ZNF721: variants seen among roughly 807,000 people sequenced by gnomAD.
ZNF721 encodes the protein zinc finger protein 721.
In ZNF721, 2 loss-of-function variants were observed where a neutral mutation model predicts 2.4. The ratio of observed to expected loss-of-function variants is 0.82; its 90% confidence interval spans 0.34 to 2.58. The LOEUF is 2.58. Among genes scored for constraint, ZNF721 ranks in the 30% most tolerant of loss-of-function variants. ZNF721 has a pLI of 0.11. For synonymous variants in ZNF721, 398 were observed against 381.8 expected, an observed-to-expected ratio of 1.04 and a Z score of -0.50; for missense variants, 1,187 against 1,085.5, an observed-to-expected ratio of 1.09 and a Z score of -1.31.
intron 1 of ZNF721, among the ~76,000 whole-genome samples, chr4:492,124 C>T (rs1251190999): frequency 1.3e-5 from 2 of 151,388 alleles, no homozygotes; most frequent in Non-Finnish European, 2.9e-5. Flanking sequence ...GATCACGCCA[C>T]TGCACTCCAG....
chr4:474,351 A>G (rs1168034107), intron 1 of ZNF721, among the ~76,000 whole-genome samples: 1 of 152,120 alleles, frequency 6.6e-6, no homozygotes, highest in Admixed American at 6.5e-5. Flanking sequence ...GCGGCGCTTA[A>G]TCTCTGTGCT....
chr4:449,262 T>C (rs1361787264), intron 2 of ZNF721, among the ~76,000 whole-genome samples: 1 of 152,162 alleles, frequency 6.6e-6, no homozygotes, highest in African/African-American at 2.4e-5. Flanking sequence ...ATGACAGTTT[T>C]GGAAATTATC....
At position 491,210 on chromosome 4, in the gene ZNF721, G is replaced by A. The variant is rs572047189; in HGVS notation, c.-94+7846C>T. On this transcript the variant is annotated intron_variant, in intron 1 of 2. Coordinates refer to ENST00000511833, the MANE Select transcript of ZNF721 (RefSeq NM_133474.4). Reference sequence around the variant, plus strand: ...TGGGAGGCCAAGGCGGGTAGATCACGAGGTCAGAAGTTCGAGACCAGCCTG... The same window carrying A: ...TGGGAGGCCAAGGCGGGTAGATCACAAGGTCAGAAGTTCGAGACCAGCCTG... Among the ~76,000 whole-genome samples the A allele has an allele frequency of 1.7e-4, 26 of 152,264 alleles. No homozygotes were observed. The South Asian group carries it at 2.1e-3, about 12-fold the overall frequency.
At chr4:485,500 G>GT (rs1445258867) in intron 1 of ZNF721, among the ~76,000 whole-genome samples, 6 of 152,054 alleles carry the variant, frequency 3.9e-5, no homozygotes, top group Non-Finnish European at 5.9e-5. Flanking sequence ...CTCAACAGTG[G>GT]TGAGTAGAGA....
chr4:492,535 T>TA, intron 1 of ZNF721, among the ~76,000 whole-genome samples: 1 of 151,948 alleles, frequency 6.6e-6, no homozygotes, highest in Admixed American at 6.5e-5. Context: ...ATAAGTGTTT[T>TA]TTTACACCAA....
chr4:462,633 A>G (rs1454154012), intron 2 of ZNF721, among the ~76,000 whole-genome samples: 1 of 152,226 alleles, frequency 6.6e-6, no homozygotes, highest in Non-Finnish European at 1.5e-5. Flanking sequence ...GACAAACCTG[A>G]CAAAAACAAG....
chr4:458,154 CA>C (rs1386903984), intron 2 of ZNF721, among the ~76,000 whole-genome samples: 1 of 152,222 alleles, frequency 6.6e-6, no homozygotes, highest in Non-Finnish European at 1.5e-5. Context: ...TTTGTATCAG[CA>C]CCTTAATCTG....
chr4:481,567 TTTTC>T lies in ZNF721; in HGVS notation c.-93-8870_-93-8867del, dbSNP rs1411877454. On this transcript the variant is annotated intron_variant, in intron 1 of 2. Coordinates refer to ENST00000511833, the MANE Select transcript of ZNF721 (RefSeq NM_133474.4). ...TGTTTCAGAAGACACATCTTTGTTC[TTTTC>T]TTTCTTTTTTTTTTTTTTTGACAGT... 4.8e-4 allele frequency among the ~76,000 whole-genome samples: 69 copies of T among 144,298 alleles called. No individual in the cohort carries two copies. In the South Asian group the frequency reaches 8.0e-3, roughly 17 times the overall value. 94.7% of individuals were successfully genotyped at this position (144,298 alleles called of 152,430 possible).
In ZNF721 at chr4:483,489, T is replaced by C. The variant is rs1452102452; in HGVS notation, c.-93-10788A>G. Among the ~76,000 whole-genome samples, 14 of 151,698 alleles carry C rather than the reference T, an allele frequency of 9.2e-5. 1 individual carries two copies. The highest frequency in any genetic ancestry group is 3.4e-4 in the African/African-American group (14 of 41,378). ...ATCCCTTGAACCCAGGAGGCAGAGG[T>C]TGCAGTGAGCCAAGATCGCGCCACT... On this transcript the variant is annotated intron_variant, in intron 1 of 2. Transcript: ENST00000511833.
chr4:461,687 AT>A (rs1314271801), intron 2 of ZNF721, among the ~76,000 whole-genome samples: 1 of 152,148 alleles, frequency 6.6e-6, no homozygotes, highest in Non-Finnish European at 1.5e-5. Flanking sequence ...AGCCTGACCA[AT>A]ATGGTGAAAC....
In ZNF721 at chr4:441,352, A is replaced by C. The variant is rs1714228817; in HGVS notation, c.*343T>G. The C allele has an allele frequency of 5.2e-6, 1 of 192,812 alleles. No individual in the cohort carries two copies. Among genetic ancestry groups the C allele is most frequent in the Non-Finnish European group, 1.1e-5 (1 of 93,636 alleles). The allele number at this position is 192,812 out of a possible 1,614,324, so 11.9% of individuals were successfully genotyped here. ...TGTGCAAAAATGCTAAGCATTGGTTACAAGTTTTGCCACATTTTTTGTATT... is the reference window on the plus strand; with the variant it reads ...TGTGCAAAAATGCTAAGCATTGGTTCCAAGTTTTGCCACATTTTTTGTATT... On this transcript the variant is annotated 3_prime_UTR_variant, in exon 3 of 3. Transcript: ENST00000511833.
chr4:470,157 C>T (rs1553867393), intron 2 of ZNF721, among the ~76,000 whole-genome samples: 3 of 152,200 alleles, frequency 2.0e-5, no homozygotes, highest in Non-Finnish European at 4.4e-5. Flanking sequence ...GCTGGGATTA[C>T]AGGCGTGAGC....
At chr4:483,421 G>C (rs28531379) in intron 1 of ZNF721, among the ~76,000 whole-genome samples, 1,637 of 152,074 alleles carry the variant, frequency 0.011, 25 homozygotes, top group African/African-American at 0.037. Flanking sequence ...GCATGGTGGT[G>C]AGTGCTTGTA....
At chr4:485,137 G>T (rs1341722642) in intron 1 of ZNF721, among the ~76,000 whole-genome samples, 8 of 152,086 alleles carry the variant, frequency 5.3e-5, no homozygotes, top group Non-Finnish European at 1.0e-4. Flanking sequence ...CCTCCCAAAT[G>T]GCTGGGATTA....
chr4:461,930 A>G (rs1407732549), intron 2 of ZNF721, among the ~76,000 whole-genome samples: 4 of 152,216 alleles, frequency 2.6e-5, no homozygotes, highest in Non-Finnish European at 5.9e-5. Context: ...AGAGAAAGAA[A>G]GAAAGGGTAT....
At chr4:494,893 ATT>A (rs34855684) in intron 1 of ZNF721, among the ~76,000 whole-genome samples, 4 of 139,376 alleles carry the variant, frequency 2.9e-5, no homozygotes, top group Non-Finnish European at 3.1e-5. Flanking sequence ...CAGTGCACTT[ATT>A]TTTTTTTTTT....
chr4:477,784 A>AC (rs1715670356), intron 1 of ZNF721, among the ~76,000 whole-genome samples: 1 of 152,064 alleles, frequency 6.6e-6, no homozygotes, highest in Non-Finnish European at 1.5e-5. Flanking sequence ...ACCCTGATAC[A>AC]CCCCTAAGAG....
intron 2 of ZNF721, 64 bp from the exon 3 acceptor site, chr4:444,496 T>A (rs1714406894): frequency 1.4e-6 from 2 of 1,441,060 alleles, no homozygotes; most frequent in East Asian, 4.6e-5. Flanking sequence ...ACTTTACAAA[T>A]CATAAGATTA....
intron 2 of ZNF721, among the ~76,000 whole-genome samples, chr4:445,726 TA>T (rs1254289604): frequency 2.0e-5 from 3 of 151,902 alleles, no homozygotes; most frequent in Admixed American, 1.3e-4. Flanking sequence ...TTTCAGAAGT[TA>T]AAAAAAGGAT....
Sources: gnomAD v4.1 joint callset for allele counts (sites outside exome capture counted in the v4.1 genomes callset) on GRCh38, gnomAD v4.1.1 for gene constraint, MANE v1.5 for transcripts, NCBI Gene and HGNC (gene_info 2026-07-23, HGNC 2026-07-21) for gene names.